AMBP: variants seen among roughly 807,000 people sequenced by gnomAD.
AMBP encodes the protein alpha-1-microglobulin/bikunin precursor.
AMBP carries 37 observed loss-of-function variants against 46.3 expected under a neutral mutation model. The ratio of observed to expected loss-of-function variants is 0.80; its 90% CI spans 0.61 to 1.05. AMBP has a LOEUF of 1.05. Among genes scored for constraint, AMBP ranks in the 50% least tolerant of loss-of-function variants. The pLI, the probability that AMBP is intolerant of heterozygous loss-of-function variation, is 0.00. For synonymous variants in AMBP, 174 were observed against 175.9 expected, an observed-to-expected ratio of 0.99 and a Z score of 0.09; for missense variants, 475 against 461.2, an observed-to-expected ratio of 1.03 and a Z score of -0.27.
chr9:114,075,558 G>A (rs968445584), intron 2 of AMBP, among the ~76,000 whole-genome samples: 10 of 152,202 alleles, frequency 6.6e-5, no homozygotes, highest in Non-Finnish European at 1.5e-4. Flanking sequence ...TTATCCAATG[G>A]ATATTTATTG....
chr9:114,070,165 C>T (rs1846729414), intron 5 of AMBP, among the ~76,000 whole-genome samples: 1 of 152,228 alleles, frequency 6.6e-6, no homozygotes, highest in Non-Finnish European at 1.5e-5. Context: ...AGAGGCCACA[C>T]AGCTCAGTTC....
intron 3 of AMBP, among the ~76,000 whole-genome samples, 191 bp from the exon 4 acceptor site, chr9:114,074,343 A>G (rs902439571): frequency 3.3e-5 from 5 of 151,970 alleles, no homozygotes; most frequent in African/African-American, 1.2e-4. Context: ...TCCTCCATGT[A>G]CTCACATTAA....
intron 1 of AMBP, 39 bp from the exon 2 acceptor site, chr9:114,076,779 CA>C (rs749666993): frequency 6.2e-7 from 1 of 1,606,150 alleles, no homozygotes; most frequent in Non-Finnish European, 8.5e-7. Flanking sequence ...GCATCAGTCT[CA>C]GACCTCAAAG....
chr9:114,074,171 C>T lies in AMBP; in HGVS notation c.338-19G>A. 6.2e-7 allele frequency: 1 copy of T among 1,600,690 alleles called. No individual in the cohort carries two copies. The highest frequency in any genetic ancestry group is 8.6e-7 in the Non-Finnish European group (1 of 1,167,858). ...TTCCATTCTGCATGGGAGGTGCAGGCAGACCAAAGGGATCAGTGGTCAGTA... is the reference window on the plus strand; with the variant it reads ...TTCCATTCTGCATGGGAGGTGCAGGTAGACCAAAGGGATCAGTGGTCAGTA... On this transcript the variant is annotated intron_variant, in intron 3 of 9. Transcript: ENST00000265132.
chr9:114,069,562 A>G (rs1034169826), intron 6 of AMBP, 137 bp downstream of exon 6: 9 of 801,300 alleles, frequency 1.1e-5, no homozygotes, highest in South Asian at 6.7e-5. Context: ...TGACTTCAAC[A>G]CTCATGGCCA....
intron 6 of AMBP, 25 bp downstream of exon 6, chr9:114,069,674 T>TG: frequency 6.7e-7 from 1 of 1,486,176 alleles, no homozygotes; most frequent in Non-Finnish European, 9.2e-7. Flanking sequence ...TGGGGTGGGA[T>TG]GGGGTCGGGG....
intron 8 of AMBP, 38 bp from the exon 9 acceptor site, chr9:114,061,136 T>C: frequency 6.2e-7 from 1 of 1,605,414 alleles, no homozygotes; most frequent in African/African-American, 1.3e-5. Flanking sequence ...TGAGAAACCC[T>C]TGTGACTGCT....
At chr9:114,061,233 C>G in intron 8 of AMBP, 135 bp from the exon 9 acceptor site, 1 of 1,383,576 alleles carries the variant, frequency 7.2e-7, no homozygotes, top group Non-Finnish European at 9.8e-7. Flanking sequence ...GAAACTGGGG[C>G]CCACAGGAAG....
chr9:114,071,058 G>C (rs902789099), intron 5 of AMBP, among the ~76,000 whole-genome samples: 161 of 152,328 alleles, frequency 1.1e-3, no homozygotes, highest in African/African-American at 3.7e-3. Context: ...CTGCAAAGGG[G>C]TGTGGCTGGG....
chr9:114,074,924 G>T, intron 3 of AMBP, 36 bp downstream of exon 3: 1 of 1,578,766 alleles, frequency 6.3e-7, no homozygotes, highest in Non-Finnish European at 8.7e-7. Context: ...TTCAAGCAAA[G>T]GAGAGAATGC....
Position 114,076,683 on chromosome 9 carries a change from T to G in AMBP, c.175A>C (p.Ile59Leu). 1 of 1,613,984 alleles carries G rather than the reference T, an allele frequency of 6.2e-7. No individual in the cohort carries two copies. Among genetic ancestry groups the G allele is most frequent in the East Asian group, 2.2e-5 (1 of 44,862 alleles). ...IGSTCPWLKK[I>L]MDRMTVSTLV... ...GTGCTCACTGTCATCCTGTCCATGA[T>G]CTTCTTCAGCCAGGGGCAGGTGGAA... The change falls in exon 2 of 10, where the codon ATC (isoleucine) becomes CTC (leucine). Residue 59 changes from isoleucine (I) to leucine (L), a missense_variant. By Grantham distance (5) the Ile-to-Leu change is conservative. Coordinates refer to ENST00000265132, the MANE Select transcript of AMBP (RefSeq NM_001633.4).
chr9:114,060,938 A>G lies in AMBP; in HGVS notation c.1014T>C (p.Gly338=). 6.2e-7 allele frequency: 1 copy of G among 1,613,492 alleles called. No individual in the cohort carries two copies. The highest frequency in any genetic ancestry group is 8.5e-7 in the Non-Finnish European group (1 of 1,179,698). The change falls in exon 9 of 10, where the codon GGT becomes GGC. Residue 338 remains glycine (G), a synonymous_variant. Transcript: ENST00000265132. ...AGGGCTGCCTACCATCACCAGGGACACCGCAGTACTCTCTGCACTCCTTCT... is the reference window on the plus strand; with the variant it reads ...AGGGCTGCCTACCATCACCAGGGACGCCGCAGTACTCTCTGCACTCCTTCT... ...YSEKECREYC[G]VPGDGDEELL... is the part of the protein sequence containing the mutation.
intron 6 of AMBP, among the ~76,000 whole-genome samples, chr9:114,067,817 A>C (rs1173830341): frequency 6.6e-6 from 1 of 152,146 alleles, no homozygotes; most frequent in African/African-American, 2.4e-5. Flanking sequence ...ATATGAAGGA[A>C]ACTGACTGAC....
At position 114,076,461 on chromosome 9, in the gene AMBP, A is replaced by C; in HGVS notation, c.260+137T>G. On this transcript the variant is annotated intron_variant, in intron 2 of 9. Coordinates refer to ENST00000265132, the MANE Select transcript of AMBP (RefSeq NM_001633.4). ...CTGAAAAGGGCCGTCCTGGTGGAGGAGCGTAGAGGGATCTGGGGTTCAGCG... is the reference window on the plus strand; with the variant it reads ...CTGAAAAGGGCCGTCCTGGTGGAGGCGCGTAGAGGGATCTGGGGTTCAGCG... The C allele has an allele frequency of 3.2e-6, 4 of 1,244,452 alleles. No homozygotes were observed. The South Asian group carries it at 6.1e-5, about 19-fold the overall frequency. 77.1% of individuals were successfully genotyped at this position (1,244,452 alleles called of 1,614,324 possible).
intron 3 of AMBP, 29 bp downstream of exon 3, chr9:114,074,931 A>G: frequency 6.3e-7 from 1 of 1,591,540 alleles, no homozygotes; most frequent in Non-Finnish European, 8.6e-7. Context: ...AAAGGAGAGA[A>G]TGCATGTGTC....
chr9:114,061,002 T>C lies in AMBP; in HGVS notation c.950A>G (p.Tyr317Cys), dbSNP rs150575550. Reference protein sequence around the residue: ...AVKGKCVLFPYGGCQGNGNKF... With the variant: ...AVKGKCVLFPCGGCQGNGNKF... ...GTTCCCGTTGCCCTGGCAGCCCCCGTAGGGGAAGAGGACGCACTTCCCCTT... is the reference window on the plus strand; with the variant it reads ...GTTCCCGTTGCCCTGGCAGCCCCCGCAGGGGAAGAGGACGCACTTCCCCTT... The change falls in exon 9 of 10, where the codon TAC (tyrosine) becomes TGC (cysteine). Residue 317 changes from tyrosine (Y) to cysteine (C), a missense_variant. Tyr to Cys is a radical substitution (Grantham distance 194, BLOSUM62 -2). Around this residue, in one of 3 missense-constraint regions of AMBP, gnomAD observed 293 missense variants for 276.9 expected, o/e 1.06. Coordinates refer to ENST00000265132, the MANE Select transcript of AMBP (RefSeq NM_001633.4). The C allele has an allele frequency of 1.2e-5, 20 of 1,614,226 alleles. No homozygotes were observed. The East Asian group carries it at 2.2e-4, about 18-fold the overall frequency.
chr9:114,078,006 G>A (rs868611299), intron 1 of AMBP, 87 bp downstream of exon 1: 17 of 1,343,200 alleles, frequency 1.3e-5, no homozygotes, highest in Admixed American at 1.7e-5. Context: ...CTGAGACCCC[G>A]AGACAGGCCG....
chr9:114,060,238 G>T lies in AMBP; in HGVS notation c.*1C>A, dbSNP rs1846619250. Reference sequence around the variant, plus strand: ...CCTCTGACTTGCAGACCGGCCAGTTGTCAGTTGGAGAAGCGCAGCAGCTCC... The same window carrying T: ...CCTCTGACTTGCAGACCGGCCAGTTTTCAGTTGGAGAAGCGCAGCAGCTCC... On this transcript the variant is annotated 3_prime_UTR_variant, in exon 10 of 10. Transcript: ENST00000265132. 6.2e-7 allele frequency: 1 copy of T among 1,613,036 alleles called. No individual in the cohort carries two copies. Among genetic ancestry groups the T allele is most frequent in the African/African-American group, 1.3e-5 (1 of 74,916 alleles).
In AMBP at chr9:114,061,028, G is replaced by C. The variant is rs766373768; in HGVS notation, c.924C>G (p.Val308=). The change falls in exon 9 of 10, where the codon GTC becomes GTG. Residue 308 remains valine, a synonymous_variant. Coordinates refer to ENST00000265132, the MANE Select transcript of AMBP (RefSeq NM_001633.4). ...AFIQLWAFDA[V]KGKCVLFPYG... is the part of the protein sequence containing the mutation. ...AGGGGAAGAGGACGCACTTCCCCTT[G>C]ACAGCATCAAATGCCCAGAGCTGGA... is the stretch of plus-strand genomic sequence containing the variant. 8.7e-6 allele frequency: 14 copies of C among 1,614,128 alleles called. No homozygotes were observed. The Admixed American group carries it at 2.2e-4, about 25-fold the overall frequency.
Sources: gnomAD v4.1 joint callset for allele counts (sites outside exome capture counted in the v4.1 genomes callset) on GRCh38, gnomAD v4.1.1 for gene constraint, gnomAD v4.1.1 regional missense constraint, MANE v1.5 for transcripts, NCBI Gene and HGNC (gene_info 2026-07-23, HGNC 2026-07-21) for gene names.